The following SIPA1L1 variants were observed in gnomAD, a reference collection of about 807,000 sequenced individuals.
SIPA1L1 encodes signal induced proliferation associated 1 like 1, also known as signal-induced proliferation-associated 1-like protein 1.
Under a neutral mutation model 162.7 loss-of-function variants are expected in SIPA1L1, and 26 were observed. That is an observed-to-expected ratio of 0.16 (90% CI 0.12 to 0.22). The LOEUF (loss-of-function observed/expected upper bound fraction) is 0.22. Ranked by LOEUF, SIPA1L1 falls within the 10% of genes least tolerant of loss-of-function variation. The pLI is 1.00. For missense variants in SIPA1L1, 1,874 were observed against 2,241.0 expected (o/e 0.84, Z 3.31); for synonymous variants, 829 against 837.4 (o/e 0.99, Z 0.17).
rs1013906708 is a variant in SIPA1L1, at chr14:71,547,566, T to C, written c.-303+18196T>C. On this transcript the variant is annotated intron_variant, in intron 4 of 23. Transcript: ENST00000381232. The stretch of plus-strand genomic sequence containing the variant: ...GCGTTGGCCTCCCAAAGTGCTGGGA[T>C]TACAGGCATGAGCCACTGTGCCTGA... Among the ~76,000 whole-genome samples the C allele has an allele frequency of 2.6e-5, 4 of 152,310 alleles. No homozygotes were observed. In the East Asian group the frequency reaches 7.7e-4, roughly 29 times the overall value.
chr14:71,522,025 G>A (rs956070575), intron 3 of SIPA1L1, among the ~76,000 whole-genome samples: 3 of 152,136 alleles, frequency 2.0e-5, no homozygotes, highest in Admixed American at 1.3e-4. Flanking sequence ...ATAATTTATT[G>A]TGTGTCTGTT....
intron 6 of SIPA1L1, among the ~76,000 whole-genome samples, chr14:71,620,756 A>C (rs1038239297): frequency 6.6e-6 from 1 of 151,896 alleles, no homozygotes; most frequent in Non-Finnish European, 1.5e-5. Context: ...AACCACACCA[A>C]CTCTTACCTT....
At chr14:71,341,534 A>T (rs2035652256) in intron 2 of SIPA1L1, among the ~76,000 whole-genome samples, 1 of 152,190 alleles carries the variant, frequency 6.6e-6, no homozygotes, top group African/African-American at 2.4e-5. Flanking sequence ...TCAGTGGTAC[A>T]GGTGCAGGTT....
chr14:71,702,556 G>A (rs1458136720), intron 15 of SIPA1L1, 51 bp downstream of exon 15: 5 of 1,537,398 alleles, frequency 3.3e-6, no homozygotes, highest in Non-Finnish European at 3.6e-6. Context: ...AGGTGACTTA[G>A]GTCACCTCTT....
intron 2 of SIPA1L1, among the ~76,000 whole-genome samples, chr14:71,443,766 A>G (rs559461771): frequency 2.0e-5 from 3 of 152,364 alleles, no homozygotes; most frequent in Non-Finnish European, 4.4e-5. Flanking sequence ...ATCTGCAACC[A>G]TAGTTGCAAC....
At chr14:71,449,157 C>G (rs1261528191) in intron 2 of SIPA1L1, among the ~76,000 whole-genome samples, 1 of 152,124 alleles carries the variant, frequency 6.6e-6, no homozygotes, top group Non-Finnish European at 1.5e-5. Context: ...GTGATTAAAG[C>G]CAGAGGGACA....
chr14:71,588,956 G>A lies in SIPA1L1; in HGVS notation c.1084G>A (p.Gly362Arg). The A allele has an allele frequency of 1.2e-6, 2 of 1,614,086 alleles. No individual in the cohort carries two copies. The highest frequency in any genetic ancestry group is 1.7e-6 in the Non-Finnish European group (2 of 1,179,978). Residue 362 changes from glycine to arginine, a missense_variant, in exon 5 of 24, where the codon GGA becomes AGA. Gly to Arg is a moderately radical substitution (Grantham distance 125). This residue lies in a region of SIPA1L1 where 685 missense variants were observed against 828.0 expected (regional missense o/e 0.83). Coordinates refer to ENST00000381232, the MANE Select transcript of SIPA1L1 (RefSeq NM_001386936.1). This position sits in a 1 kb window ranked among gnomAD's most constrained non-coding sequence, Gnocchi z 4.3. ...NVIKRRNTTT[G>R]ASAAAVASLV... ...TATTAAGAGGAGAAACACCACCACT[G>A]GAGCTTCCGCAGCTGCCGTGGCATC...
chr14:71,722,316 T>C (rs2083816369), intron 17 of SIPA1L1, among the ~76,000 whole-genome samples: 1 of 152,256 alleles, frequency 6.6e-6, no homozygotes, highest in Non-Finnish European at 1.5e-5. Context: ...TAGAGGGTTC[T>C]ATTCAGTTAT....
At chr14:71,371,793 T>C (rs2038915746) in intron 2 of SIPA1L1, among the ~76,000 whole-genome samples, 1 of 152,218 alleles carries the variant, frequency 6.6e-6, no homozygotes, top group Non-Finnish European at 1.5e-5. Context: ...TTCTCAATAA[T>C]GTTCACTATA....
intron 22 of SIPA1L1, among the ~76,000 whole-genome samples, chr14:71,737,021 C>G (rs2085360018): frequency 6.6e-6 from 1 of 152,190 alleles, no homozygotes; most frequent in Non-Finnish European, 1.5e-5. Flanking sequence ...ATCGGACCAG[C>G]CTGCCGTACC....
intron 4 of SIPA1L1, among the ~76,000 whole-genome samples, chr14:71,537,534 T>C (rs2054008935): frequency 6.6e-6 from 1 of 152,186 alleles, no homozygotes; most frequent in African/African-American, 2.4e-5. Context: ...GAAGACAGAC[T>C]GATAGGTTTT....
At chr14:71,617,975 A>G (rs1050011212) in intron 5 of SIPA1L1, among the ~76,000 whole-genome samples, 3 of 152,232 alleles carry the variant, frequency 2.0e-5, no homozygotes, top group African/African-American at 7.2e-5. Context: ...TCACTTTTCA[A>G]CATTTTCTAT....
At chr14:71,455,700 A>T (rs554987450) in intron 2 of SIPA1L1, among the ~76,000 whole-genome samples, 1 of 152,288 alleles carries the variant, frequency 6.6e-6, no homozygotes, top group South Asian at 2.1e-4. Flanking sequence ...GGATGTTCTC[A>T]TGTTACTAAT....
intron 5 of SIPA1L1, among the ~76,000 whole-genome samples, chr14:71,596,683 C>A (rs1420124426): frequency 1.3e-5 from 2 of 152,092 alleles, no homozygotes; most frequent in African/African-American, 4.8e-5. Context: ...GTATTTATAG[C>A]CTCCAATTAG....
At chr14:71,510,453 G>A (rs2051049910) in intron 2 of SIPA1L1, among the ~76,000 whole-genome samples, 1 of 152,092 alleles carries the variant, frequency 6.6e-6, no homozygotes, top group African/African-American at 2.4e-5. Context: ...CTCCCAAAAT[G>A]CTGGGATTAC....
Position 71,589,330 on chromosome 14 carries a change from T to A in SIPA1L1, c.1458T>A (p.Asp486Glu). 1 of 1,613,522 alleles carries A rather than the reference T, an allele frequency of 6.2e-7. No homozygotes were observed. The highest frequency in any genetic ancestry group is 8.5e-7 in the Non-Finnish European group (1 of 1,179,622). Residue 486 changes from aspartate (D) to glutamate (E), a missense_variant, in exon 5 of 24, where the codon GAT becomes GAA. This residue lies in a region of SIPA1L1 where 685 missense variants were observed against 828.0 expected (regional missense o/e 0.83). Transcript: ENST00000381232. Reference protein sequence around the residue: ...RVKRYIVEHVDLGAYYYRKFF... With the variant: ...RVKRYIVEHVELGAYYYRKFF... ...AAAGATACATCGTGGAACACGTAGA[T>A]CTGGGTGCATACTATTATAGAAAAT... is the stretch of plus-strand genomic sequence containing the variant.
chr14:71,621,416 C>T (rs1055030975), intron 6 of SIPA1L1, among the ~76,000 whole-genome samples: 10 of 152,260 alleles, frequency 6.6e-5, no homozygotes, highest in Non-Finnish European at 1.2e-4. Flanking sequence ...ACACTGGCCT[C>T]CTTCCTACCT....
intron 2 of SIPA1L1, among the ~76,000 whole-genome samples, chr14:71,328,882 C>T (rs2034158439): frequency 6.6e-6 from 1 of 152,176 alleles, no homozygotes; most frequent in African/African-American, 2.4e-5. Flanking sequence ...ATTTCCAGGA[C>T]TTTTTCATCT....
intron 4 of SIPA1L1, among the ~76,000 whole-genome samples, chr14:71,546,085 G>GAA (rs905920362): frequency 7.3e-5 from 11 of 150,016 alleles, no homozygotes; most frequent in Non-Finnish European, 1.5e-4. Context: ...CCTGTCTCAG[G>GAA]AAAAAAAAAG....
Sources: gnomAD v4.1 joint callset for allele counts (sites outside exome capture counted in the v4.1 genomes callset) on GRCh38, gnomAD v4.1.1 for gene constraint, gnomAD v4.1.1 regional missense constraint, Gnocchi (gnomAD v3.1) non-coding constraint, MANE v1.5 for transcripts, NCBI Gene and HGNC (gene_info 2026-07-23, HGNC 2026-07-21) for gene names.